Variants in ADAMTS15 observed in about 807,000 individuals in gnomAD.
ADAMTS15 encodes the protein A disintegrin and metalloproteinase with thrombospondin motifs 15.
Under a neutral mutation model 79.1 loss-of-function variants are expected in ADAMTS15, and 35 were observed. That is an observed-to-expected ratio of 0.44 (90% CI 0.34 to 0.59). The LOEUF (loss-of-function observed/expected upper bound fraction) is 0.59. Among genes scored for constraint, ADAMTS15 ranks in the 20% least tolerant of loss-of-function variants. The pLI is 0.02. For missense variants in ADAMTS15, 1,324 were observed against 1,318.7 expected, an observed-to-expected ratio of 1.00 and a Z score of -0.06; for synonymous variants, 616 against 567.3, an observed-to-expected ratio of 1.09 and a Z score of -1.22.
intron 1 of ADAMTS15, among the ~76,000 whole-genome samples, chr11:130,461,034 C>T (rs1938187823): frequency 6.6e-6 from 1 of 152,142 alleles, no homozygotes; most frequent in Non-Finnish European, 1.5e-5. Context: ...CATGGTTGGC[C>T]AAAAGGCAGC....
chr11:130,470,145 T>TATATATATATATATAC (rs1938397600), intron 5 of ADAMTS15, among the ~76,000 whole-genome samples: 1 of 59,354 alleles, frequency 1.7e-5, no homozygotes, highest in African/African-American at 9.6e-5. Flanking sequence ...TATATATATA[T>TATATATATATATATAC]ATATATGTGT....
At position 130,475,447 on chromosome 11, in the gene ADAMTS15, T is replaced by C. The variant is rs1178307991; in HGVS notation, c.*1626T>C. On this transcript the variant is annotated 3_prime_UTR_variant, in exon 8 of 8. Transcript: ENST00000299164. ...ACATGGGATATTCTGCTTCTGAGTG[T>C]AGGTGATGAATCCAGGTCCTCAGTG... 6.6e-6 allele frequency: 1 copy of C among 152,240 alleles called. No individual in the cohort carries two copies. The highest frequency in any genetic ancestry group is 1.5e-5 in the Non-Finnish European group (1 of 68,048). 9.4% of individuals were successfully genotyped at this position (152,240 alleles called of 1,614,324 possible).
intron 1 of ADAMTS15, among the ~76,000 whole-genome samples, chr11:130,457,640 T>C (rs189422848): frequency 1.3e-5 from 2 of 152,240 alleles, no homozygotes; most frequent in East Asian, 3.9e-4. Context: ...CTACACCTTC[T>C]GGGAGGAAGA....
Position 130,473,009 on chromosome 11 carries a change from G to C in ADAMTS15, c.2079-38G>C, listed in dbSNP as rs78342979. The C allele has an allele frequency of 3.8e-4, 614 of 1,604,964 alleles. 2 individuals carry two copies. The African/African-American group carries it at 7.7e-3, about 20-fold the overall frequency. ...TGGAGCATAAGGTCCTCAGGTCCAGGCTTCTATCTGATGCACGGCCCCCCT... is the reference window on the plus strand; with the variant it reads ...TGGAGCATAAGGTCCTCAGGTCCAGCCTTCTATCTGATGCACGGCCCCCCT... On this transcript the variant is annotated intron_variant, in intron 7 of 7. Coordinates refer to ENST00000299164, the MANE Select transcript of ADAMTS15 (RefSeq NM_139055.4).
At chr11:130,470,160 A>ATATATATATATATATATATATGTGTG (rs1326700506) in intron 5 of ADAMTS15, among the ~76,000 whole-genome samples, 1 of 57,314 alleles carries the variant, frequency 1.7e-5, no homozygotes, top group Non-Finnish European at 3.3e-5. Flanking sequence ...ATGTGTATAT[A>ATATATATATATATATATATATGTGTG]TATATATATA....
chr11:130,460,940 A>G (rs1214654912), intron 1 of ADAMTS15, among the ~76,000 whole-genome samples: 2 of 152,124 alleles, frequency 1.3e-5, no homozygotes, highest in Non-Finnish European at 2.9e-5. Flanking sequence ...TCTGGGGTCC[A>G]CCTCAATGCT....
Position 130,462,470 on chromosome 11 carries a change from C to G in ADAMTS15, c.1259-27C>G, listed in dbSNP as rs766615069. On this transcript the variant is annotated intron_variant, in intron 3 of 7. Coordinates refer to ENST00000299164, the MANE Select transcript of ADAMTS15 (RefSeq NM_139055.4). The surrounding 1 kb of genome is among the most constrained non-coding windows in gnomAD (Gnocchi z 4.3). ...CCAAACCTCATCTTCCCAGCTCATC[C>G]TAACGAACGCCCTCGGCTCTCTGCA... The G allele has an allele frequency of 2.3e-5, 36 of 1,558,562 alleles. No individual in the cohort carries two copies. Among genetic ancestry groups the G allele is most frequent in the Non-Finnish European group, 3.0e-5 (35 of 1,147,554 alleles).
chr11:130,462,285 C>A lies in ADAMTS15; in HGVS notation c.1258+31C>A. ...CCAGGACGGCGGGAGGGCAATGAGG[C>A]CGCCTCGGAGGGGGCTTTGCTGCTG... is the stretch of plus-strand genomic sequence containing the variant. On this transcript the variant is annotated intron_variant, in intron 3 of 7. Transcript: ENST00000299164. This position sits in a 1 kb window ranked among gnomAD's most constrained non-coding sequence, Gnocchi z 4.3. 1 of 1,589,004 alleles carries A rather than the reference C, an allele frequency of 6.3e-7. No homozygotes were observed. Among genetic ancestry groups the A allele is most frequent in the Non-Finnish European group, 8.6e-7 (1 of 1,165,666 alleles).
At chr11:130,470,142 A>ATATATATACG (rs1938396770) in intron 5 of ADAMTS15, among the ~76,000 whole-genome samples, 1 of 63,436 alleles carries the variant, frequency 1.6e-5, no homozygotes, top group Non-Finnish European at 3.1e-5. Flanking sequence ...ACATATATAT[A>ATATATATACG]TATATATATG....
At position 130,449,792 on chromosome 11, in the gene ADAMTS15, A is replaced by T. The variant is rs940641584; in HGVS notation, c.819A>T (p.Arg273Ser). The T allele has an allele frequency of 5.0e-6, 8 of 1,612,140 alleles. No individual in the cohort carries two copies. Among genetic ancestry groups the T allele is most frequent in the Non-Finnish European group, 6.8e-6 (8 of 1,180,018 alleles). Residue 273 changes from arginine to serine, a missense_variant, in exon 1 of 8, where the codon AGA becomes AGT. Coordinates refer to ENST00000299164, the MANE Select transcript of ADAMTS15 (RefSeq NM_139055.4). This position sits in a 1 kb window ranked among gnomAD's most constrained non-coding sequence, Gnocchi z 7.8. ...NIVVVKVLLL[R>S]DRDSGPKVTG... ...TTGTGGTCAAGGTGCTGCTTCTTAG[A>T]GATCGTGACTCCGGGCCCAAGGTCA... is the stretch of plus-strand genomic sequence containing the variant.
At chr11:130,463,443 T>G (rs1016407352) in intron 4 of ADAMTS15, among the ~76,000 whole-genome samples, 3 of 152,150 alleles carry the variant, frequency 2.0e-5, no homozygotes, top group Non-Finnish European at 4.4e-5. Flanking sequence ...GTTCAGGTCT[T>G]GTTTTGGGGG....
At chr11:130,452,874 A>T (rs148722907) in intron 1 of ADAMTS15, among the ~76,000 whole-genome samples, 3,549 of 152,106 alleles carry the variant, frequency 0.023, 57 homozygotes, top group Non-Finnish European at 0.034. Flanking sequence ...CCAGCTACTC[A>T]GGAGGCTGAG....
At chr11:130,459,002 C>G (rs765299474) in intron 1 of ADAMTS15, among the ~76,000 whole-genome samples, 2 of 140,920 alleles carry the variant, frequency 1.4e-5, no homozygotes, top group African/African-American at 5.3e-5. Flanking sequence ...AACTGCTGGT[C>G]GGGTGAAGGT....
In ADAMTS15 at chr11:130,471,290, A is replaced by G; in HGVS notation, c.1985A>G (p.Asn662Ser). 1.2e-6 allele frequency: 2 copies of G among 1,613,206 alleles called. No homozygotes were observed. Among genetic ancestry groups the G allele is most frequent in the Non-Finnish European group, 1.7e-6 (2 of 1,179,818 alleles). ...TGCATCAAGGCTGGCTGTGATGGGA[A>G]CCTGGGCTCCAAGAAGAGATTCGAC... is the stretch of plus-strand genomic sequence containing the variant. ...GKCIKAGCDG[N>S]LGSKKRFDKC... Residue 662 changes from asparagine (N) to serine (S), a missense_variant, in exon 7 of 8, where the codon AAC becomes AGC. Coordinates refer to ENST00000299164, the MANE Select transcript of ADAMTS15 (RefSeq NM_139055.4).
At chr11:130,469,474 G>T in intron 5 of ADAMTS15, 35 bp downstream of exon 5, 1 of 1,303,624 alleles carries the variant, frequency 7.7e-7, no homozygotes. Flanking sequence ...CCTGGGCCCA[G>T]GGGAGGTGAG....
chr11:130,470,984 C>T lies in ADAMTS15; in HGVS notation c.1785C>T (p.Asn595=), dbSNP rs1481813931. Reference sequence around the variant, plus strand: ...TCAACGGCTACAACCACAGCACCAACCGGCTCACTCTCGCCGTGGCATGGG... The same window carrying T: ...TCAACGGCTACAACCACAGCACCAATCGGCTCACTCTCGCCGTGGCATGGG... ...EAFNGYNHST[N]RLTLAVAWVP... is the part of the protein sequence containing the mutation. Residue 595 remains asparagine (N), a synonymous_variant, in exon 6 of 8, where the codon AAC becomes AAT. Transcript: ENST00000299164. 14 of 1,613,768 alleles carry T rather than the reference C, an allele frequency of 8.7e-6. No individual in the cohort carries two copies. Among genetic ancestry groups the T allele is most frequent in the Non-Finnish European group, 1.1e-5 (13 of 1,180,058 alleles).
intron 4 of ADAMTS15, 33 bp from the exon 5 acceptor site, chr11:130,469,229 C>T (rs1304774376): frequency 1.5e-6 from 2 of 1,364,818 alleles, no homozygotes; most frequent in Non-Finnish European, 1.9e-6. Context: ...GCACCTGGAT[C>T]CACCAAGGAA....
intron 1 of ADAMTS15, among the ~76,000 whole-genome samples, chr11:130,453,553 C>A (rs969484250): frequency 3.3e-4 from 51 of 152,250 alleles, no homozygotes; most frequent in African/African-American, 1.2e-3. Context: ...CCACCTCAGT[C>A]TCCTGAGTAG....
At chr11:130,470,158 A>ATATATATATATATACATATATATGTG (rs1938404002) in intron 5 of ADAMTS15, among the ~76,000 whole-genome samples, 1 of 50,038 alleles carries the variant, frequency 2.0e-5, no homozygotes, top group Non-Finnish European at 3.8e-5. Flanking sequence ...ATATGTGTAT[A>ATATATATATATATACATATATATGTG]TATATATATA....
Sources: gnomAD v4.1 joint callset for allele counts (sites outside exome capture counted in the v4.1 genomes callset) on GRCh38, gnomAD v4.1.1 for gene constraint, Gnocchi (gnomAD v3.1) non-coding constraint, MANE v1.5 for transcripts, NCBI Gene and HGNC (gene_info 2026-07-23, HGNC 2026-07-21) for gene names.